ZFP64: variants seen among roughly 807,000 people sequenced by gnomAD.
The protein encoded by ZFP64 is zinc finger protein 64.
A neutral mutation model predicts 51.6 loss-of-function variants in ZFP64; 14 were observed. The ratio of observed to expected loss-of-function variants is 0.27; its 90% CI spans 0.18 to 0.42. The LOEUF is 0.42. Ranked by LOEUF, ZFP64 falls within the 10% of genes least tolerant of loss-of-function variation. The pLI is 1.00. For missense variants in ZFP64, 754 were observed against 906.8 expected (o/e 0.83, Z 2.16); for synonymous variants, 375 against 361.4 (o/e 1.04, Z -0.43).
rs768232063 is a variant in ZFP64 at position 52,191,583 on chromosome 20, G to C, written c.46+8C>G. On this transcript the variant is annotated splice_region_variant and intron_variant, in intron 1 of 5. Transcript: ENST00000216923. This position sits in a 1 kb window ranked among gnomAD's most constrained non-coding sequence, Gnocchi z 4.3. ...CGGAGCGCGCACTGCTCCCGGAAAA[G>C]CACTTACTTTGCACCGAGCCCGCGA... 3.2e-6 allele frequency: 5 copies of C among 1,578,428 alleles called. No individual in the cohort carries two copies. In the East Asian group the frequency reaches 7.2e-5, roughly 23 times the overall value.
chr20:52,128,334 A>T (rs1195438078), intron 5 of ZFP64, among the ~76,000 whole-genome samples: 1 of 152,202 alleles, frequency 6.6e-6, no homozygotes, highest in African/African-American at 2.4e-5. Flanking sequence ...TGGCCAAAGC[A>T]AGTCAAATGG....
chr20:52,102,226 C>G (rs1291734273), intron 5 of ZFP64, among the ~76,000 whole-genome samples: 2 of 151,942 alleles, frequency 1.3e-5, no homozygotes, highest in African/African-American at 2.4e-5. Flanking sequence ...ATTTGAGAAG[C>G]ACAGCTCACA....
At chr20:52,091,989 TCAAAA>T (rs1276515077) in intron 7 of ZFP64, among the ~76,000 whole-genome samples, 1 of 151,992 alleles carries the variant, frequency 6.6e-6, no homozygotes, top group African/African-American at 2.4e-5. Flanking sequence ...AAACTCCGTC[TCAAAA>T]CAAAACCAAA....
chr20:52,187,619 T>C (rs1185103237), intron 1 of ZFP64, among the ~76,000 whole-genome samples: 1 of 151,552 alleles, frequency 6.6e-6, no homozygotes, highest in Non-Finnish European at 1.5e-5. Flanking sequence ...TGAAACTCTG[T>C]CTCAAAAAAA....
In ZFP64 at chr20:52,112,676, G is replaced by A. The variant is rs537685097; in HGVS notation, c.764-14089C>T. Among the ~76,000 whole-genome samples the A allele has an allele frequency of 1.5e-4, 22 of 151,552 alleles. No individual in the cohort carries two copies. The East Asian group carries it at 1.9e-3, about 13-fold the overall frequency. ...GTTACCCAGGCTGGAGTGCAGTGGC[G>A]TGATGTTGGCTCACCGCAGTCTCAA... is the stretch of plus-strand genomic sequence containing the variant. On this transcript the variant is annotated intron_variant, in intron 5 of 8. Coordinates refer to the ZFP64 transcript ENST00000361387.
chr20:52,165,801 G>A (rs758067413), intron 3 of ZFP64, 63 bp downstream of exon 3: 15 of 1,602,650 alleles, frequency 9.4e-6, no homozygotes, highest in African/African-American at 1.3e-5. Context: ...TCATGAGGAG[G>A]AGCCCTGGAG....
chr20:52,105,050 G>C (rs911176326), intron 5 of ZFP64: 8 of 1,384,304 alleles, frequency 5.8e-6, no homozygotes, highest in South Asian at 4.8e-5. Context: ...TCCCCTGCCC[G>C]GTCCTCGTAC....
At chr20:52,090,308 C>T (rs2078909220) in intron 7 of ZFP64, among the ~76,000 whole-genome samples, 2 of 152,082 alleles carry the variant, frequency 1.3e-5, no homozygotes, top group South Asian at 4.1e-4. Flanking sequence ...TCTAGAGAAA[C>T]TGTTTTAATA....
chr20:52,181,953 C>T (rs759500974), intron 2 of ZFP64, among the ~76,000 whole-genome samples: 1 of 152,142 alleles, frequency 6.6e-6, no homozygotes, highest in Non-Finnish European at 1.5e-5. Context: ...AGGCAGGAAC[C>T]ATCAGGAGGA....
chr20:52,145,378 C>A (rs1010772076), intron 5 of ZFP64, among the ~76,000 whole-genome samples: 2 of 152,150 alleles, frequency 1.3e-5, no homozygotes, highest in Non-Finnish European at 2.9e-5. Flanking sequence ...GTAGCCCAGG[C>A]GTGGTGGCTC....
At chr20:52,148,504 G>A (rs527367034), downstream of ZFP64, among the ~76,000 whole-genome samples, 12 of 152,260 alleles carry the variant, frequency 7.9e-5, no homozygotes, top group South Asian at 4.1e-4. Flanking sequence ...AGTTTAAGAC[G>A]AGCATGGCCA....
chr20:52,152,781 G>T lies in ZFP64; in HGVS notation c.1411C>A (p.Pro471Thr), dbSNP rs1293583594. 1.9e-6 allele frequency: 3 copies of T among 1,606,794 alleles called. No individual in the cohort carries two copies. Among genetic ancestry groups the T allele is most frequent in the East Asian group, 2.2e-5 (1 of 44,756 alleles). ...TGTCCCACAGTGAGGGGCGTGGCGG[G>T]CTGCTTGCTGGGGTCGATCTGAAAC... ...LQFQIDPSKQ[P>T]ATPLTVGHLQ... The change falls in exon 6 of 6, where the codon CCC becomes ACC. Residue 471 changes from proline (P) to threonine (T), a missense_variant. Transcript: ENST00000216923.
chr20:52,141,020 G>A (rs1980230074), intron 5 of ZFP64, among the ~76,000 whole-genome samples: 1 of 152,124 alleles, frequency 6.6e-6, no homozygotes, highest in East Asian at 1.9e-4. Flanking sequence ...CATGAAGGCT[G>A]GATGACAGCA....
intron 5 of ZFP64, among the ~76,000 whole-genome samples, chr20:52,154,735 C>T (rs1600764924): frequency 1.3e-5 from 2 of 152,122 alleles, no homozygotes; most frequent in African/African-American, 2.4e-5. Flanking sequence ...GAGTAAGCTA[C>T]AGCCTATGGG....
intron 2 of ZFP64, among the ~76,000 whole-genome samples, chr20:52,185,361 G>T (rs761834791): frequency 5.9e-5 from 9 of 152,098 alleles, no homozygotes; most frequent in Non-Finnish European, 1.3e-4. Context: ...CCTAGCTGTA[G>T]ACTTATTGGA....
chr20:52,110,966 C>T lies in ZFP64; in HGVS notation c.764-12379G>A, dbSNP rs1405299039. 32 of 1,527,622 alleles carry T rather than the reference C, an allele frequency of 2.1e-5. No individual in the cohort carries two copies. In the Admixed American group the frequency reaches 3.2e-4, roughly 15 times the overall value. The allele number at this position is 1,527,622 out of a possible 1,614,324, so 94.6% of individuals were successfully genotyped here. A position where few individuals can be genotyped will look rare whatever the true frequency, so the allele number is the denominator to read the frequency against. On this transcript the variant is annotated intron_variant, in intron 5 of 8. Coordinates refer to the ZFP64 transcript ENST00000361387. ...TACTGGGTGTTGAACTTCACCAAGA[C>T]GAACCTGCTTTTGGGAATGACCTTG...
At position 52,152,577 on chromosome 20, in the gene ZFP64, G is replaced by A. The variant is rs780585554; in HGVS notation, c.1615C>T (p.Arg539Trp). 1.3e-6 allele frequency: 2 copies of A among 1,557,990 alleles called. No individual in the cohort carries two copies. Among genetic ancestry groups the A allele is most frequent in the Non-Finnish European group, 8.7e-7 (1 of 1,155,068 alleles). Residue 539 changes from arginine to tryptophan, a missense_variant, in exon 6 of 6, where the codon CGG (arginine) becomes TGG (tryptophan). Physicochemically the swap from Arg to Trp is moderately radical, Grantham distance 101. This residue lies in a region of ZFP64 where 428 missense variants were observed against 472.4 expected (regional missense o/e 0.91). Transcript: ENST00000216923. Reference protein sequence around the residue: ...QNPEELPGNSRLQILRQVSLI... With the variant: ...QNPEELPGNSWLQILRQVSLI... ...CTGACCTGGCGCAGGATCTGCAGCC[G>A]GCTGTTCCCTGGGAGTTCCTCTGGG...
exon 9 of ZFP64, chr20:52,084,917 G>A (rs556510842): frequency 4.1e-5 from 66 of 1,613,624 alleles, no homozygotes; most frequent in Admixed American, 8.3e-5. Flanking sequence ...AGCTGCAGAA[G>A]TCACACTTGA....
intron 2 of ZFP64, among the ~76,000 whole-genome samples, chr20:52,166,392 T>C (rs1238155903): frequency 6.6e-6 from 1 of 151,982 alleles, no homozygotes; most frequent in Non-Finnish European, 1.5e-5. Context: ...TCTGTAACCA[T>C]AAGGGTAAAC....
Sources: allele counts gnomAD v4.1 joint callset (sites outside exome capture counted in the v4.1 genomes callset), GRCh38; gene constraint gnomAD v4.1.1; regional missense constraint gnomAD v4.1.1; non-coding constraint Gnocchi (gnomAD v3.1); transcripts MANE v1.5; gene names NCBI Gene and HGNC (gene_info 2026-07-23, HGNC 2026-07-21).